The following MYO15B variants were observed in gnomAD, a reference collection of about 807,000 sequenced individuals.
MYO15B encodes myosin XVB pseudogene.
A neutral mutation model predicts 119.3 loss-of-function variants in MYO15B; 207 were observed. That is an observed-to-expected ratio of 1.73 (90% CI 1.55 to 1.95). The LOEUF is 1.95. Among genes scored for constraint, MYO15B ranks in the 30% most tolerant of loss-of-function variants. The pLI is 0.00. For missense variants in MYO15B, 2,264 were observed against 1,203.1 expected (o/e 1.88, Z -13.04); for synonymous variants, 966 against 498.9 (o/e 1.94, Z -12.48).
intron 19 of MYO15B, among the ~76,000 whole-genome samples, chr17:75,604,493 G>GTCCCTCCCTCCCACGCCCC (rs2057492031): frequency 3.0e-5 from 1 of 33,636 alleles, no homozygotes; most frequent in Non-Finnish European, 5.6e-5. Context: ...TCCCTTCCAC[G>GTCCCTCCCTCCCACGCCCC]TCCCTCCCTC....
chr17:75,593,016 C>T (rs993548473), intron 9 of MYO15B, 176 bp downstream of exon 9: 12 of 558,628 alleles, frequency 2.1e-5, no homozygotes, highest in East Asian at 3.0e-5. Flanking sequence ...TCTCCACTCT[C>T]CCAATGTCTG....
intron 4 of MYO15B, 99 bp downstream of exon 4, chr17:75,591,345 A>G (rs1248396317): frequency 6.1e-6 from 4 of 659,980 alleles, no homozygotes; most frequent in Non-Finnish European, 1.1e-5. Flanking sequence ...GGTATGCTCC[A>G]CTGCTGGGCT....
At chr17:75,592,242 G>A in exon 7 of MYO15B, 1 of 702,868 alleles carries the variant, frequency 1.4e-6, no homozygotes, top group Non-Finnish European at 2.6e-6. Context: ...CCACAGAGGG[G>A]TCATCGTGGG....
exon 60 of MYO15B, chr17:75,625,204 C>T: frequency 1.4e-6 from 1 of 702,578 alleles, no homozygotes; most frequent in Non-Finnish European, 2.6e-6. Flanking sequence ...CGCCCTGCAG[C>T]ACCTCAGCAA....
chr17:75,600,853 T>G (rs1043854274), intron 14 of MYO15B, among the ~76,000 whole-genome samples: 1 of 151,366 alleles, frequency 6.6e-6, no homozygotes, highest in African/African-American at 2.4e-5. Context: ...CTCAAAGCGC[T>G]GCGGTTACAG....
chr17:75,626,476 A>G (rs749860304), exon 64 of MYO15B: 1 of 703,244 alleles, frequency 1.4e-6, no homozygotes, highest in South Asian at 1.5e-5. Context: ...GTGGCCCAGC[A>G]TCAACTGAGA....
At position 75,626,134 on chromosome 17, in the gene MYO15B, T is replaced by G. The variant is rs1482713044; in HGVS notation, c.9119T>G (p.Leu3040Arg). Reference sequence around the variant, plus strand: ...CTGAAGAGCCTGCAGCGGCTCCACCTGCTAAGCCCTCTGGAGGAGAAGGGG... The same window carrying G: ...CTGAAGAGCCTGCAGCGGCTCCACCGGCTAAGCCCTCTGGAGGAGAAGGGG... Residue 3040 changes from leucine to arginine, a missense_variant, in exon 63 of 64, where the codon CTG becomes CGG. Transcript: ENST00000645453. 3 of 703,076 alleles carry G rather than the reference T, an allele frequency of 4.3e-6. No homozygotes were observed. The South Asian group carries it at 4.4e-5, about 10-fold the overall frequency. The allele number at this position is 703,076 out of a possible 1,614,324, so 43.6% of individuals were successfully genotyped here.
At chr17:75,626,427 C>T (rs1055238557) in exon 64 of MYO15B, 1 of 703,238 alleles carries the variant, frequency 1.4e-6, no homozygotes, top group Non-Finnish European at 2.6e-6. Flanking sequence ...TGCTATACAC[C>T]ACTGTCTTCC....
chr17:75,622,594 G>A (rs1254387112), intron 53 of MYO15B, among the ~76,000 whole-genome samples: 1 of 152,206 alleles, frequency 6.6e-6, no homozygotes, highest in Non-Finnish European at 1.5e-5. Context: ...GAGGATTCTG[G>A]AGAGAGACTC....
At chr17:75,623,042 G>T (rs60358995) in intron 53 of MYO15B, among the ~76,000 whole-genome samples, 13,153 of 139,734 alleles carry the variant, frequency 0.094, 738 homozygotes, top group African/African-American at 0.18. Context: ...AGAGATCAGA[G>T]AAGCAGGGGC....
exon 36 of MYO15B, chr17:75,615,777 G>C: frequency 1.4e-6 from 1 of 702,390 alleles, no homozygotes; most frequent in South Asian, 1.5e-5. Context: ...GGCCTCCGAG[G>C]CTGCGTCCCA....
rs1482730831 is a variant in MYO15B at position 75,603,318 on chromosome 17, G to A, written c.4016+6G>A. 2 of 702,968 alleles carry A rather than the reference G, an allele frequency of 2.8e-6. No individual in the cohort carries two copies. The highest frequency in any genetic ancestry group is 1.7e-5 in the African/African-American group (1 of 57,392). The allele number at this position is 702,968 out of a possible 1,614,324, so 43.5% of individuals were successfully genotyped here. A position where few individuals can be genotyped will look rare whatever the true frequency, so the allele number is the denominator to read the frequency against. The stretch of plus-strand genomic sequence containing the variant: ...TTTGAGGCCTTCCTGGCCAGGTGGG[G>A]CCCAGCACCTCGGGGCAGGACTGAC... On this transcript the variant is annotated splice_donor_region_variant and intron_variant, in intron 19 of 63. Coordinates refer to ENST00000645453, the Ensembl canonical transcript of MYO15B.
chr17:75,622,782 G>C (rs1476425039), intron 53 of MYO15B, among the ~76,000 whole-genome samples: 1 of 152,218 alleles, frequency 6.6e-6, no homozygotes, highest in African/African-American at 2.4e-5. Context: ...ACGGGAAGGA[G>C]GACAACTACT....
chr17:75,612,116 C>G lies in MYO15B; in HGVS notation c.4635+100C>G, dbSNP rs1031032697. 70 of 655,548 alleles carry G rather than the reference C, an allele frequency of 1.1e-4. No homozygotes were observed. In the East Asian group the frequency reaches 1.7e-3, roughly 16 times the overall value. The allele number at this position is 655,548 out of a possible 1,614,324, so 40.6% of individuals were successfully genotyped here. ...TTTTTTCCCCGCTGTCAGCTCTTGC[C>G]CTCCTTCCTCCCCAGCCTTTGGGGC... is the stretch of plus-strand genomic sequence containing the variant. On this transcript the variant is annotated intron_variant, in intron 25 of 63. Coordinates refer to ENST00000645453, the Ensembl canonical transcript of MYO15B.
At position 75,605,849 on chromosome 17, in the gene MYO15B, C is replaced by G; in HGVS notation, c.4135-15C>G. 1 of 680,770 alleles carries G rather than the reference C, an allele frequency of 1.5e-6. No homozygotes were observed. Among genetic ancestry groups the G allele is most frequent in the Non-Finnish European group, 2.7e-6 (1 of 370,004 alleles). The allele number at this position is 680,770 out of a possible 1,614,324, so 42.2% of individuals were successfully genotyped here. ...GCTCCTGGCTCCTGCCTACAGCCCA[C>G]CCCTCTACCCACAGGTCCTGCTGCA... On this transcript the variant is annotated splice_polypyrimidine_tract_variant and intron_variant, in intron 20 of 63. Coordinates refer to ENST00000645453, the Ensembl canonical transcript of MYO15B.
At position 75,625,109 on chromosome 17, in the gene MYO15B, T is replaced by A; in HGVS notation, c.8689-14T>A. 1.5e-6 allele frequency: 1 copy of A among 683,216 alleles called. No homozygotes were observed. The highest frequency in any genetic ancestry group is 1.5e-5 in the South Asian group (1 of 65,930). 42.3% of individuals were successfully genotyped at this position (683,216 alleles called of 1,614,324 possible). A position where few individuals can be genotyped will look rare whatever the true frequency, so the allele number is the denominator to read the frequency against. ...TGGACCACCGCTGCCCTCCTCACCG[T>A]GCTCCCCGCACAGGTGCTGTGGGAC... On this transcript the variant is annotated splice_polypyrimidine_tract_variant and intron_variant, in intron 59 of 63. Transcript: ENST00000645453.
In MYO15B at chr17:75,606,149, A is replaced by G. The variant is rs2057632932; in HGVS notation, c.4292+128A>G. 6.9e-6 allele frequency: 4 copies of G among 577,530 alleles called. No individual in the cohort carries two copies. In the South Asian group the frequency reaches 8.4e-5, roughly 12 times the overall value. 35.8% of individuals were successfully genotyped at this position (577,530 alleles called of 1,614,324 possible). On this transcript the variant is annotated intron_variant, in intron 21 of 63. Coordinates refer to ENST00000645453, the Ensembl canonical transcript of MYO15B. ...AGTCATCCTGCCCCAGTGCCATCTC[A>G]TCGGCATGTGACTCTCCTTGACGGC... is the stretch of plus-strand genomic sequence containing the variant.
chr17:75,608,948 G>A (rs1216860239), intron 21 of MYO15B, among the ~76,000 whole-genome samples: 2 of 152,170 alleles, frequency 1.3e-5, no homozygotes, highest in Non-Finnish European at 2.9e-5. Flanking sequence ...TGGCCAGGCT[G>A]GTCTTGAACT....
chr17:75,607,228 C>T, intron 21 of MYO15B: 1 of 351,610 alleles, frequency 2.8e-6, no homozygotes, highest in East Asian at 4.1e-5. Flanking sequence ...TAACTATTGC[C>T]CCCAAGACCC....
Sources: allele counts gnomAD v4.1 joint callset (sites outside exome capture counted in the v4.1 genomes callset), GRCh38; gene constraint gnomAD v4.1.1; transcripts MANE v1.5; gene names NCBI Gene and HGNC (gene_info 2026-07-23, HGNC 2026-07-21).